Variants in GALNT15 observed in about 807,000 individuals in gnomAD.
GALNT15 encodes UDP-GalNAc transferase T15.
In GALNT15, 67 loss-of-function variants were observed where a neutral mutation model predicts 66.8. The ratio of observed to expected loss-of-function variants is 1.00; its 90% confidence interval spans 0.82 to 1.23. The LOEUF (loss-of-function observed/expected upper bound fraction) is 1.23, where lower values mean the gene tolerates loss of function less well. GALNT15 is among the 50% of genes most tolerant of loss of function. The pLI is 0.00. For missense variants in GALNT15, 827 were observed against 804.3 expected, an observed-to-expected ratio of 1.03 and a Z score of -0.34; for synonymous variants, 313 against 311.5, an observed-to-expected ratio of 1.00 and a Z score of -0.05.
rs12107283 is a variant in GALNT15, at chr3:16,189,875, A to T, written c.540-5885A>T. On this transcript the variant is annotated intron_variant, in intron 1 of 9. Coordinates refer to ENST00000339732, the MANE Select transcript of GALNT15 (RefSeq NM_054110.5). This position sits in a 1 kb window ranked among gnomAD's most constrained non-coding sequence, Gnocchi z 5.1. ...TGTGAGAAATGAGAATTAGTGACTG[A>T]AGTATAACTGAGTCTGTTGGTCTGG... Among the ~76,000 whole-genome samples the T allele has an allele frequency of 0.054, 8,292 of 152,306 alleles. 243 individuals are homozygous for T. The highest frequency in any genetic ancestry group is 0.068 in the Middle Eastern group (20 of 294).
intron 5 of GALNT15, among the ~76,000 whole-genome samples, chr3:16,212,134 G>C (rs2063821759): frequency 6.6e-6 from 1 of 152,190 alleles, no homozygotes; most frequent in African/African-American, 2.4e-5. Context: ...GCTTGCTTCT[G>C]TCTCTACCAC....
rs981524704 is a variant in GALNT15, at chr3:16,225,801, C to T, written c.1774-1553C>T. Among the ~76,000 whole-genome samples, 1 of 151,716 alleles carries T rather than the reference C, an allele frequency of 6.6e-6. No homozygotes were observed. ...ACACGGTGCCCAACACTTTGAGAGG[C>T]AGAGGTGGGTGGATCACTTGAGGTC... On this transcript the variant is annotated intron_variant, in intron 9 of 9. Transcript: ENST00000339732. The surrounding 1 kb of genome is among the most constrained non-coding windows in gnomAD (Gnocchi z 4.4).
intron 1 of GALNT15, among the ~76,000 whole-genome samples, chr3:16,178,420 ACC>A (rs2063433944): frequency 6.6e-6 from 1 of 152,168 alleles, no homozygotes; most frequent in South Asian, 2.1e-4. Flanking sequence ...AAACTCCTCA[ACC>A]CCTGCGAAGG....
rs11715981 is a variant in GALNT15 at position 16,175,603 on chromosome 3, C to T, written c.452C>T (p.Pro151Leu). 0.032 allele frequency: 50,972 copies of T among 1,613,460 alleles called. 897 individuals carry two copies. The highest frequency in any genetic ancestry group is 0.052 in the African/African-American group (3,913 of 75,008). The change falls in exon 1 of 10, where the codon CCG becomes CTG. Residue 151 changes from proline to leucine, a missense_variant. By Grantham distance (98) the Pro-to-Leu change is moderately conservative. Transcript: ENST00000339732. The surrounding 1 kb of genome is among the most constrained non-coding windows in gnomAD (Gnocchi z 5.6). ...GEVSEEEELT[P>L]FSLDPRGLQE... ...GTGTCTGAAGAAGAGGAGTTGACCC[C>T]GTTCAGCCTGGACCCACGTGGCCTC...
At position 16,224,751 on chromosome 3, in the gene GALNT15, C is replaced by T. The variant is rs1660757001; in HGVS notation, c.1773+1993C>T. 6.6e-6 allele frequency among the ~76,000 whole-genome samples: 1 copy of T among 151,720 alleles called. No individual in the cohort carries two copies. The highest frequency in any genetic ancestry group is 1.5e-5 in the Non-Finnish European group (1 of 67,988). ...TCCCGGGTTCAAGCGATTCTCCTGC[C>T]TCAGCCTCTTTAGTGGCTGAGATTA... is the stretch of plus-strand genomic sequence containing the variant. On this transcript the variant is annotated intron_variant, in intron 9 of 9. Coordinates refer to ENST00000339732, the MANE Select transcript of GALNT15 (RefSeq NM_054110.5). This position sits in a 1 kb window ranked among gnomAD's most constrained non-coding sequence, Gnocchi z 5.2.
At chr3:16,220,569 T>C (rs1424623179) in intron 8 of GALNT15, among the ~76,000 whole-genome samples, 1 of 152,156 alleles carries the variant, frequency 6.6e-6, no homozygotes. Flanking sequence ...GGCTGGTAGG[T>C]CCACTTCTTT....
At chr3:16,238,706 T>C in the GALNT15 span, among the ~76,000 whole-genome samples, 1 of 152,172 alleles carries the variant, frequency 6.6e-6, no homozygotes, top group Non-Finnish European at 1.5e-5. This position sits in a 1 kb window ranked among gnomAD's most constrained non-coding sequence, Gnocchi z 4.8. Flanking sequence ...CCTTCACATT[T>C]AACTTCCACA....
Position 16,175,561 on chromosome 3 carries a change from CTGA to C in GALNT15, c.414_416del (p.Asp138del), listed in dbSNP as rs1559672340. The stretch of plus-strand genomic sequence containing the variant: ...GAAGCCCCAAAGAGGGACTGGGGGG[CTGA>C]TGAGGACGGGGAGGTGTCTGAAGAA... On this transcript the variant is annotated inframe_deletion, in exon 1 of 10. Coordinates refer to ENST00000339732, the MANE Select transcript of GALNT15 (RefSeq NM_054110.5). This position sits in a 1 kb window ranked among gnomAD's most constrained non-coding sequence, Gnocchi z 5.6. 1.2e-6 allele frequency: 2 copies of C among 1,613,920 alleles called. No homozygotes were observed. The highest frequency in any genetic ancestry group is 1.7e-6 in the Non-Finnish European group (2 of 1,179,974).
At chr3:16,216,621 T>C (rs766311528) in intron 6 of GALNT15, among the ~76,000 whole-genome samples, 12 of 152,376 alleles carry the variant, frequency 7.9e-5, no homozygotes, top group South Asian at 4.1e-4. Flanking sequence ...TGGGGTCTTA[T>C]ACATTGGCAT....
At chr3:16,220,050 C>T (rs981186804) in intron 8 of GALNT15, 36 bp downstream of exon 8, 1 of 1,505,318 alleles carries the variant, frequency 6.6e-7, no homozygotes, top group South Asian at 1.1e-5. Flanking sequence ...GATGATAGCC[C>T]AAGAAGACTT....
At chr3:16,179,071 C>T (rs866617222) in intron 1 of GALNT15, among the ~76,000 whole-genome samples, 45 of 152,228 alleles carry the variant, frequency 3.0e-4, no homozygotes, top group African/African-American at 1.0e-3. Flanking sequence ...AGGAAAATTA[C>T]CAATGATGCA....
rs1361127730 is a variant in GALNT15, at chr3:16,211,269, G to A, written c.1197+28G>A. 1 of 1,441,512 alleles carries A rather than the reference G, an allele frequency of 6.9e-7. No individual in the cohort carries two copies. The highest frequency in any genetic ancestry group is 9.8e-7 in the Non-Finnish European group (1 of 1,022,552). The allele number at this position is 1,441,512 out of a possible 1,614,324, so 89.3% of individuals were successfully genotyped here. The stretch of plus-strand genomic sequence containing the variant: ...ATGTCCTGGACCAAGGGAGGACAGA[G>A]GTGGGATCTCTGGAGTGGTGTGTAT... On this transcript the variant is annotated intron_variant, in intron 5 of 9. Transcript: ENST00000339732. The surrounding 1 kb of genome is among the most constrained non-coding windows in gnomAD (Gnocchi z 4.3).
downstream of GALNT15, among the ~76,000 whole-genome samples, chr3:16,230,741 G>A (rs2064074711): frequency 6.6e-6 from 1 of 152,012 alleles, no homozygotes; most frequent in Non-Finnish European, 1.5e-5. The surrounding 1 kb of genome is among the most constrained non-coding windows in gnomAD (Gnocchi z 4.5). Flanking sequence ...AGTGCAAATT[G>A]TCTGTGATCA....
downstream of GALNT15, among the ~76,000 whole-genome samples, chr3:16,230,478 T>C (rs930959597): frequency 6.6e-6 from 1 of 151,966 alleles, no homozygotes; most frequent in Admixed American, 6.6e-5. The surrounding 1 kb of genome is among the most constrained non-coding windows in gnomAD (Gnocchi z 4.5). Context: ...TATTCTCTAC[T>C]GAAAGGCTAT....
At chr3:16,245,149 C>A in the GALNT15 span, among the ~76,000 whole-genome samples, 2 of 152,188 alleles carry the variant, frequency 1.3e-5, no homozygotes, top group Non-Finnish European at 2.9e-5. Flanking sequence ...GATAATTATA[C>A]AACGCATCCT....
In GALNT15 at chr3:16,200,545, G is replaced by A. The variant is rs777455659; in HGVS notation, c.707-74G>A. On this transcript the variant is annotated intron_variant, in intron 2 of 9. Transcript: ENST00000339732. The surrounding 1 kb of genome is among the most constrained non-coding windows in gnomAD (Gnocchi z 4.4). ...CCACAGCTTCCAAAAGAGAGTTGCT[G>A]ACGATTGTCTTAGTCACAATCTCAT... is the stretch of plus-strand genomic sequence containing the variant. 1,062 of 1,222,032 alleles carry A rather than the reference G, an allele frequency of 8.7e-4. No homozygotes were observed. Among genetic ancestry groups the A allele is most frequent in the Non-Finnish European group, 1.0e-3 (910 of 898,808 alleles). The allele number at this position is 1,222,032 out of a possible 1,614,324, so 75.7% of individuals were successfully genotyped here. A position where few individuals can be genotyped will look rare whatever the true frequency, so the allele number is the denominator to read the frequency against.
In GALNT15 at chr3:16,188,663, G is replaced by C. The variant is rs940791734; in HGVS notation, c.540-7097G>C. Among the ~76,000 whole-genome samples, 5 of 152,160 alleles carry C rather than the reference G, an allele frequency of 3.3e-5. No homozygotes were observed. Among genetic ancestry groups the C allele is most frequent in the Admixed American group, 6.5e-5 (1 of 15,286 alleles). On this transcript the variant is annotated intron_variant, in intron 1 of 9. Coordinates refer to ENST00000339732, the MANE Select transcript of GALNT15 (RefSeq NM_054110.5). The surrounding 1 kb of genome is among the most constrained non-coding windows in gnomAD (Gnocchi z 4.6). ...CAGGACCTTTCAAAGATCTTTGTTG[G>C]CTGGACCTTAGCCAGCTTCCTAGGT...
In GALNT15 at chr3:16,200,508, C is replaced by T. The variant is rs1236404971; in HGVS notation, c.707-111C>T. 2.5e-6 allele frequency: 2 copies of T among 791,408 alleles called. No individual in the cohort carries two copies. Among genetic ancestry groups the T allele is most frequent in the Non-Finnish European group, 3.8e-6 (2 of 530,776 alleles). 49.0% of individuals were successfully genotyped at this position (791,408 alleles called of 1,614,324 possible). On this transcript the variant is annotated intron_variant, in intron 2 of 9. Transcript: ENST00000339732. This position sits in a 1 kb window ranked among gnomAD's most constrained non-coding sequence, Gnocchi z 4.4. ...GTAGTAATGTTTTCGGTTCTTAGGACCCAGGTGCTCACCACAGCTTCCAAA... is the reference window on the plus strand; with the variant it reads ...GTAGTAATGTTTTCGGTTCTTAGGATCCAGGTGCTCACCACAGCTTCCAAA...
rs770605632 is a variant in GALNT15 at position 16,175,465 on chromosome 3, G to A, written c.314G>A (p.Arg105Lys). 4.1e-5 allele frequency: 66 copies of A among 1,613,986 alleles called. No individual in the cohort carries two copies. The highest frequency in any genetic ancestry group is 1.2e-4 in the Admixed American group (7 of 60,004). Residue 105 changes from arginine to lysine, a missense_variant, in exon 1 of 10, where the codon AGA becomes AAA. By Grantham distance (26) the Arg-to-Lys change is conservative (BLOSUM62 2). Transcript: ENST00000339732. This position sits in a 1 kb window ranked among gnomAD's most constrained non-coding sequence, Gnocchi z 5.6. Reference protein sequence around the residue: ...LLVAVALPQARRNQSQGRRGG... With the variant: ...LLVAVALPQAKRNQSQGRRGG... ...GTGGCCGTGGCCTTACCCCAGGCCAGAAGGAACCAGAGCCAGGGCAGGAGA... is the reference window on the plus strand; with the variant it reads ...GTGGCCGTGGCCTTACCCCAGGCCAAAAGGAACCAGAGCCAGGGCAGGAGA...
Sources: allele counts gnomAD v4.1 joint callset (sites outside exome capture counted in the v4.1 genomes callset), GRCh38; gene constraint gnomAD v4.1.1; non-coding constraint Gnocchi (gnomAD v3.1); transcripts MANE v1.5; gene names NCBI Gene and HGNC (gene_info 2026-07-23, HGNC 2026-07-21).